COL5A1: variants seen among roughly 807,000 people sequenced by gnomAD.
The protein encoded by COL5A1 is collagen type V alpha 1 chain, also known as collagen alpha-1(V) chain.
In COL5A1, 16 loss-of-function variants were observed where a neutral mutation model predicts 263.7. That is an observed-to-expected ratio of 0.06 (90% CI 0.04 to 0.09). The LOEUF (loss-of-function observed/expected upper bound fraction) is 0.09, where lower values mean the gene tolerates loss of function less well. Among genes scored for constraint, COL5A1 ranks in the 10% least tolerant of loss-of-function variants. The pLI, the probability that COL5A1 is intolerant of heterozygous loss-of-function variation, is 1.00. For missense variants in COL5A1, 2,036 were observed against 2,540.5 expected (o/e 0.80, Z 4.27); for synonymous variants, 1,012 against 1,004.5 (o/e 1.01, Z -0.14).
rs1053157332 is a variant in COL5A1 at position 134,817,970 on chromosome 9, C to A, written c.4230+139C>A. On this transcript the variant is annotated intron_variant, in intron 54 of 65. Coordinates refer to ENST00000371817, the MANE Select transcript of COL5A1 (RefSeq NM_000093.5). ...GCCCCAGGGGCACCTGGCTCATGGC[C>A]TACCTGGGGAGGAGACCTGGTTCTC... 1.2e-4 allele frequency: 108 copies of A among 874,772 alleles called. 1 individual carries two copies. In the Middle Eastern group the frequency reaches 2.5e-3, roughly 21 times the overall value. 54.2% of individuals were successfully genotyped at this position (874,772 alleles called of 1,614,324 possible). A position where few individuals can be genotyped will look rare whatever the true frequency, so the allele number is the denominator to read the frequency against.
At chr9:134,739,140 G>A (rs7851614) in intron 11 of COL5A1, among the ~76,000 whole-genome samples, 9,301 of 152,216 alleles carry the variant, frequency 0.061, 913 homozygotes, top group African/African-American at 0.21. Flanking sequence ...CCCACTCCTC[G>A]CCCCTGGGCA....
At chr9:134,717,015 A>G (rs1834286257) in intron 4 of COL5A1, among the ~76,000 whole-genome samples, 1 of 152,176 alleles carries the variant, frequency 6.6e-6, no homozygotes, top group Admixed American at 6.5e-5. Context: ...CCATGGAAAA[A>G]ATTATTTAGA....
At position 134,673,401 on chromosome 9, in the gene COL5A1, A is replaced by G. The variant is rs544413236; in HGVS notation, c.110-17511A>G. ...TTCCATAAAAGTGCTAAGATGCTGC[A>G]GTGAGCCGAGATCACGCCACTGCAC... On this transcript the variant is annotated intron_variant, in intron 1 of 65. Transcript: ENST00000371817. Among the ~76,000 whole-genome samples, 42 of 151,352 alleles carry G rather than the reference A, an allele frequency of 2.8e-4. No individual in the cohort carries two copies. The South Asian group carries it at 2.9e-3, about 11-fold the overall frequency.
At position 134,682,728 on chromosome 9, in the gene COL5A1, G is replaced by A. The variant is rs993268585; in HGVS notation, c.110-8184G>A. 4.6e-5 allele frequency among the ~76,000 whole-genome samples: 7 copies of A among 152,182 alleles called. No individual in the cohort carries two copies. The South Asian group carries it at 6.2e-4, about 14-fold the overall frequency. On this transcript the variant is annotated intron_variant, in intron 1 of 65. Transcript: ENST00000371817. The surrounding 1 kb of genome is among the most constrained non-coding windows in gnomAD (Gnocchi z 5.1). ...GGAAAAGTCACCCCCAAGTGACCAC[G>A]AGTGACCAGGTGGAATCTGCTGGTG...
At chr9:134,694,773 G>C (rs1436270837) in intron 2 of COL5A1, among the ~76,000 whole-genome samples, 1 of 152,134 alleles carries the variant, frequency 6.6e-6, no homozygotes, top group Non-Finnish European at 1.5e-5. Flanking sequence ...AAGCGGGGAG[G>C]GTTGGGACTT....
At chr9:134,752,399 G>A (rs1835813906) in intron 13 of COL5A1, among the ~76,000 whole-genome samples, 190 bp from the exon 14 acceptor site, 1 of 141,330 alleles carries the variant, frequency 7.1e-6, no homozygotes, top group Non-Finnish European at 1.5e-5. Flanking sequence ...TCCCGTGGAT[G>A]CTGAGAGCCC....
At chr9:134,807,069 C>A (rs891968970) in intron 42 of COL5A1, among the ~76,000 whole-genome samples, 1 of 152,202 alleles carries the variant, frequency 6.6e-6, no homozygotes. Flanking sequence ...TGCCACTTAC[C>A]GTCCAGAAGT....
intron 4 of COL5A1, among the ~76,000 whole-genome samples, chr9:134,711,717 G>A (rs984500255): frequency 3.3e-5 from 5 of 152,192 alleles, no homozygotes; most frequent in South Asian, 2.1e-4. Flanking sequence ...AGAGGGGCAC[G>A]GCTTGGGGTC....
intron 4 of COL5A1, chr9:134,708,724 C>G (rs1564402007): frequency 2.0e-6 from 1 of 506,092 alleles, no homozygotes; most frequent in Non-Finnish European, 3.9e-6. Flanking sequence ...GGACATTGCA[C>G]TCTGCATGAT....
intron 1 of COL5A1, among the ~76,000 whole-genome samples, chr9:134,670,881 G>T (rs1832521390): frequency 1.3e-5 from 2 of 152,180 alleles, no homozygotes; most frequent in African/African-American, 4.8e-5. Flanking sequence ...TGACTTGCGG[G>T]TCTTCTCCCC....
chr9:134,748,767 C>T (rs3109686), intron 11 of COL5A1, among the ~76,000 whole-genome samples: 15 of 152,240 alleles, frequency 9.9e-5, no homozygotes, highest in African/African-American at 2.6e-4. Context: ...GCACGTCTGT[C>T]GGGCAGTGTT....
rs11103504 is a variant in COL5A1 at position 134,761,698 on chromosome 9, C to T, written c.1936-227C>T. On this transcript the variant is annotated intron_variant, in intron 18 of 65. Transcript: ENST00000371817. Reference sequence around the variant, plus strand: ...CGCTGCTGGGTGCTCAGTCCAGCACCCTCCTACCTTCAGGCCATCGTGGTG... The same window carrying T: ...CGCTGCTGGGTGCTCAGTCCAGCACTCTCCTACCTTCAGGCCATCGTGGTG... 0.11 allele frequency among the ~76,000 whole-genome samples: 16,108 copies of T among 152,210 alleles called. 1,331 individuals are homozygous for T. Among genetic ancestry groups the T allele is most frequent in the East Asian group, 0.27 (1,403 of 5,164 alleles).
chr9:134,759,018 G>A (rs1055994034), intron 18 of COL5A1, among the ~76,000 whole-genome samples: 7 of 152,118 alleles, frequency 4.6e-5, no homozygotes, highest in African/African-American at 1.4e-4. Context: ...GAGGTGTGGT[G>A]GGGAAGGCTC....
chr9:134,766,924 A>AGG (rs1836690642), intron 22 of COL5A1, 76 bp from the exon 23 acceptor site: 1 of 1,383,690 alleles, frequency 7.2e-7, no homozygotes, highest in Admixed American at 1.9e-5. Flanking sequence ...GAGGCCAGTG[A>AGG]GGGGGCACAC....
chr9:134,671,494 T>A lies in COL5A1; in HGVS notation c.110-19418T>A, dbSNP rs1832537877. ...CCGGGGAAGTAATGTAAAATATTCC[T>A]CCCAAAGGTCACAGTGACCCACCAC... is the stretch of plus-strand genomic sequence containing the variant. On this transcript the variant is annotated intron_variant, in intron 1 of 65. Transcript: ENST00000371817. Among the ~76,000 whole-genome samples the A allele has an allele frequency of 2.0e-5, 3 of 152,272 alleles. No individual in the cohort carries two copies. The South Asian group carries it at 6.2e-4, about 32-fold the overall frequency.
At chr9:134,761,056 C>G (rs1207463860) in intron 18 of COL5A1, among the ~76,000 whole-genome samples, 1 of 150,506 alleles carries the variant, frequency 6.6e-6, no homozygotes, top group Non-Finnish European at 1.5e-5. Context: ...TGCCCACACT[C>G]ACACCCACAT....
In COL5A1 at chr9:134,815,938, C is replaced by A; in HGVS notation, c.4072C>A (p.Gln1358Lys). The A allele has an allele frequency of 6.2e-7, 1 of 1,614,100 alleles. No individual in the cohort carries two copies. The highest frequency in any genetic ancestry group is 8.5e-7 in the Non-Finnish European group (1 of 1,180,028). Reference protein sequence around the residue: ...GPPGEPGPAGQDGPPGDKGDD... With the variant: ...GPPGEPGPAGKDGPPGDKGDD... ...GAGCTCGCTTTTGCCTCCATAGGGT[C>A]AAGATGGTCCCCCTGGTGACAAAGG... Residue 1358 changes from glutamine to lysine, a missense_variant, in exon 52 of 66, where the codon CAA becomes AAA. Coordinates refer to ENST00000371817, the MANE Select transcript of COL5A1 (RefSeq NM_000093.5).
At chr9:134,731,758 C>A (rs1391953368) in intron 8 of COL5A1, 95 bp downstream of exon 8, 16 of 1,334,742 alleles carry the variant, frequency 1.2e-5, no homozygotes, top group Admixed American at 2.2e-5. Context: ...GGGTGGGCCT[C>A]TACGGGCAGC....
Position 134,696,622 on chromosome 9 carries a change from A to G in COL5A1, c.278-3287A>G, listed in dbSNP as rs1199071865. Among the ~76,000 whole-genome samples, 8 of 152,184 alleles carry G rather than the reference A, an allele frequency of 5.3e-5. No individual in the cohort carries two copies. The highest frequency in any genetic ancestry group is 1.7e-4 in the African/African-American group (7 of 41,434). On this transcript the variant is annotated intron_variant, in intron 2 of 65. Transcript: ENST00000371817. The surrounding 1 kb of genome is among the most constrained non-coding windows in gnomAD (Gnocchi z 4.3). ...ATCACTGTTTATTAGGGGATCAGTC[A>G]CTGTTTATTGATCACGTGATCCACT...
Sources: allele counts gnomAD v4.1 joint callset (sites outside exome capture counted in the v4.1 genomes callset), GRCh38; gene constraint gnomAD v4.1.1; non-coding constraint Gnocchi (gnomAD v3.1); transcripts MANE v1.5; gene names NCBI Gene and HGNC (gene_info 2026-07-23, HGNC 2026-07-21).